The following LYST variants were observed in gnomAD, a reference collection of about 807,000 sequenced individuals.
LYST encodes the protein lysosomal trafficking regulator.
A neutral mutation model predicts 413.6 loss-of-function variants in LYST; 192 were observed. The ratio of observed to expected loss-of-function variants is 0.46; its 90% CI spans 0.41 to 0.52. The LOEUF is 0.52. Among genes scored for constraint, LYST ranks in the 20% least tolerant of loss-of-function variants. LYST has a pLI of 0.00. For missense variants in LYST, 3,815 were observed against 4,499.9 expected, an observed-to-expected ratio of 0.85 and a Z score of 4.35; for synonymous variants, 1,525 against 1,567.3, an observed-to-expected ratio of 0.97 and a Z score of 0.64.
rs767705019 is a variant in LYST, at chr1:235,712,043, A to C, written c.9925+14T>G. The C allele has an allele frequency of 4.6e-6, 7 of 1,511,952 alleles. No individual in the cohort carries two copies. The African/African-American group carries it at 9.8e-5, about 21-fold the overall frequency. The allele number at this position is 1,511,952 out of a possible 1,614,324, so 93.7% of individuals were successfully genotyped here. A position where few individuals can be genotyped will look rare whatever the true frequency, so the allele number is the denominator to read the frequency against. On this transcript the variant is annotated intron_variant, in intron 43 of 52. Transcript: ENST00000389793. ...CCCTCAGAAATATAAATTAAAAATA[A>C]TTTATTGCTATACCTTCACGGTTAA... is the stretch of plus-strand genomic sequence containing the variant.
chr1:235,696,200 G>C (rs993209966), intron 46 of LYST, among the ~76,000 whole-genome samples: 3 of 152,142 alleles, frequency 2.0e-5, no homozygotes, highest in African/African-American at 7.2e-5. Flanking sequence ...GAGCCTAAAA[G>C]AACTATGGCC....
At chr1:235,751,920 T>C (rs1666532368) in intron 27 of LYST, 85 bp downstream of exon 27, 1 of 955,056 alleles carries the variant, frequency 1.0e-6, no homozygotes, top group Non-Finnish European at 1.6e-6. Context: ...GTAAAAGAGT[T>C]TCTAAGAAGA....
chr1:235,838,114 G>A (rs192937964), intron 1 of LYST, among the ~76,000 whole-genome samples: 1 of 152,210 alleles, frequency 6.6e-6, no homozygotes, highest in Non-Finnish European at 1.5e-5. Context: ...GCAATAGGAG[G>A]ACCAAGAATT....
chr1:235,805,178 T>C (rs138421877), intron 6 of LYST, among the ~76,000 whole-genome samples: 14 of 152,208 alleles, frequency 9.2e-5, no homozygotes, highest in African/African-American at 3.1e-4. Context: ...AGGAGAAAAC[T>C]TGTAAGAATG....
At chr1:235,880,858 G>A (rs1473984205) in intron 1 of LYST, among the ~76,000 whole-genome samples, 1 of 152,180 alleles carries the variant, frequency 6.6e-6, no homozygotes, top group African/African-American at 2.4e-5. Context: ...GGGCACGGTG[G>A]CTCACACCTG....
intron 37 of LYST, 32 bp downstream of exon 37, chr1:235,729,564 A>C: frequency 6.9e-7 from 1 of 1,440,760 alleles, no homozygotes; most frequent in Non-Finnish European, 9.8e-7. Flanking sequence ...GGCAGGGTGA[A>C]TATGTGCAAA....
chr1:235,850,437 T>C (rs1158540219), intron 1 of LYST, among the ~76,000 whole-genome samples: 3 of 152,150 alleles, frequency 2.0e-5, no homozygotes, highest in Admixed American at 1.3e-4. Context: ...GAAGATAACA[T>C]TGGAAAAACC....
intron 10 of LYST, among the ~76,000 whole-genome samples, chr1:235,795,758 T>C (rs1671490373): frequency 6.6e-6 from 1 of 152,034 alleles, no homozygotes; most frequent in Admixed American, 6.6e-5. Context: ...TAAATATAAA[T>C]GGTCTAAAAA....
At position 235,709,409 on chromosome 1, in the gene LYST, C is replaced by A; in HGVS notation, c.9926-101G>T. 3.3e-6 allele frequency: 3 copies of A among 916,302 alleles called. No individual in the cohort carries two copies. In the South Asian group the frequency reaches 4.4e-5, roughly 13 times the overall value. 56.8% of individuals were successfully genotyped at this position (916,302 alleles called of 1,614,324 possible). A position where few individuals can be genotyped will look rare whatever the true frequency, so the allele number is the denominator to read the frequency against. On this transcript the variant is annotated intron_variant, in intron 43 of 52. Transcript: ENST00000389793. Reference sequence around the variant, plus strand: ...GTTCACAAAAATAGCTGTTTGTGTGCTACAACCAAAAAAGGGAATAGCAAG... The same window carrying A: ...GTTCACAAAAATAGCTGTTTGTGTGATACAACCAAAAAAGGGAATAGCAAG...
intron 3 of LYST, among the ~76,000 whole-genome samples, chr1:235,814,622 A>C (rs1166803308): frequency 6.6e-6 from 1 of 152,186 alleles, no homozygotes; most frequent in Non-Finnish European, 1.5e-5. Flanking sequence ...AAAAGCATTT[A>C]GTAACTGGAA....
chr1:235,849,960 T>C (rs1218709534), intron 1 of LYST, among the ~76,000 whole-genome samples: 1 of 151,758 alleles, frequency 6.6e-6, no homozygotes, highest in African/African-American at 2.4e-5. Context: ...CCAAAAGCAA[T>C]CTACAAATTC....
At chr1:235,804,284 C>CTGA (rs2102848436) in intron 7 of LYST, among the ~76,000 whole-genome samples, 1 of 152,288 alleles carries the variant, frequency 6.6e-6, no homozygotes, top group Admixed American at 6.5e-5. Flanking sequence ...TAAGGAAAAG[C>CTGA]TTATCATATC....
intron 14 of LYST, among the ~76,000 whole-genome samples, chr1:235,784,164 A>G (rs1670169031): frequency 6.6e-6 from 1 of 152,160 alleles, no homozygotes; most frequent in African/African-American, 2.4e-5. Flanking sequence ...ACAGGCATGA[A>G]GCACCATGCC....
At chr1:235,871,581 C>G (rs2103227389), upstream of LYST, among the ~76,000 whole-genome samples, 1 of 152,286 alleles carries the variant, frequency 6.6e-6, no homozygotes, top group East Asian at 1.9e-4. Flanking sequence ...AATAACAATA[C>G]TAATAGCATG....
chr1:235,873,067 G>A (rs921009996), intron 1 of LYST, among the ~76,000 whole-genome samples: 1 of 152,204 alleles, frequency 6.6e-6, no homozygotes. Context: ...AGGAGGGTGA[G>A]AGAAGGTGAA....
At position 235,702,812 on chromosome 1, in the gene LYST, C is replaced by T. The variant is rs772199678; in HGVS notation, c.10309G>A (p.Val3437Met). Residue 3437 changes from valine (V) to methionine (M), a missense_variant, in exon 45 of 53, where the codon GTG (valine) becomes ATG (methionine). Transcript: ENST00000389793. ...AAAGCAAACTGCACTAGCAACCCCACAGCAGCTGGAAGCTCTCCTTCAATA... is the reference window on the plus strand; with the variant it reads ...AAAGCAAACTGCACTAGCAACCCCATAGCAGCTGGAAGCTCTCCTTCAATA... ...LNIEGELPAA[V>M]GLLVQFAFRE... 2 of 1,614,198 alleles carry T rather than the reference C, an allele frequency of 1.2e-6. No individual in the cohort carries two copies. The highest frequency in any genetic ancestry group is 3.3e-5 in the Admixed American group (2 of 60,024).
At chr1:235,851,247 T>A (rs1432434331) in intron 1 of LYST, among the ~76,000 whole-genome samples, 2 of 152,130 alleles carry the variant, frequency 1.3e-5, no homozygotes, top group Non-Finnish European at 2.9e-5. Context: ...ATTAACAGCA[T>A]CTGCAGTGAC....
chr1:235,762,969 A>C, intron 21 of LYST, 118 bp from the exon 22 acceptor site: 2 of 745,790 alleles, frequency 2.7e-6, no homozygotes, highest in Non-Finnish European at 4.7e-6. Flanking sequence ...AAAGAGAAAA[A>C]TATATAGCAT....
Position 235,830,302 on chromosome 1 carries a change from A to T in LYST, c.116T>A (p.Met39Lys), listed in dbSNP as rs1364323740. Residue 39 changes from methionine (M) to lysine (K), a missense_variant, in exon 3 of 53, where the codon ATG becomes AAG. Met to Lys is a moderately conservative substitution (Grantham distance 95). Coordinates refer to ENST00000389793, the MANE Select transcript of LYST (RefSeq NM_000081.4). ...AREEEEEETH[M>K]ATLGQYLVHG... ...GACAAGGTACTGTCCAAGGGTTGCC[A>T]TGTGCGTCTCCTCCTCTTCTTCCTC... The T allele has an allele frequency of 9.3e-6, 15 of 1,613,996 alleles. No individual in the cohort carries two copies. The highest frequency in any genetic ancestry group is 1.7e-5 in the Admixed American group (1 of 60,004).
Sources: gnomAD v4.1 joint callset for allele counts (sites outside exome capture counted in the v4.1 genomes callset) on GRCh38, gnomAD v4.1.1 for gene constraint, MANE v1.5 for transcripts, NCBI Gene and HGNC (gene_info 2026-07-23, HGNC 2026-07-21) for gene names.